The following NUAK2 variants were observed in gnomAD, a reference collection of about 807,000 sequenced individuals.
NUAK2 encodes NUAK family SNF1-like kinase 2.
Under a neutral mutation model 29.8 loss-of-function variants are expected in NUAK2, and 20 were observed. The observed-to-expected ratio is 0.67, with a 90% confidence interval of 0.47 to 0.98. The LOEUF (loss-of-function observed/expected upper bound fraction) is 0.98. NUAK2 is among the 50% of genes least tolerant of loss of function. The pLI, the probability that NUAK2 is intolerant of heterozygous loss-of-function variation, is 0.00. For missense variants in NUAK2, 719 were observed against 834.5 expected (o/e 0.86, Z 1.71); for synonymous variants, 331 against 342.6 (o/e 0.97, Z 0.37).
At chr1:205,313,476 G>A (rs1662282607) in intron 1 of NUAK2, among the ~76,000 whole-genome samples, 1 of 152,148 alleles carries the variant, frequency 6.6e-6, no homozygotes, top group African/African-American at 2.4e-5. Context: ...CCGAGGTGCA[G>A]CTAGCAAAGC....
intron 2 of NUAK2, 73 bp downstream of exon 2, chr1:205,311,632 T>C: frequency 8.3e-6 from 13 of 1,575,246 alleles, no homozygotes; most frequent in Non-Finnish European, 1.1e-5. Flanking sequence ...TTCTGACACA[T>C]GTACATACGC....
At chr1:205,314,981 C>A (rs1476798574) in intron 1 of NUAK2, among the ~76,000 whole-genome samples, 1 of 152,154 alleles carries the variant, frequency 6.6e-6, no homozygotes, top group Non-Finnish European at 1.5e-5. Flanking sequence ...CCCCAAGATC[C>A]ATCTCTTTCA....
At chr1:205,315,112 A>G (rs187957191) in intron 1 of NUAK2, among the ~76,000 whole-genome samples, 3 of 152,306 alleles carry the variant, frequency 2.0e-5, no homozygotes, top group Admixed American at 2.0e-4. Flanking sequence ...TATCCATATT[A>G]GGTCCCAGGA....
chr1:205,312,818 A>G (rs940219156), intron 1 of NUAK2, among the ~76,000 whole-genome samples: 2 of 152,204 alleles, frequency 1.3e-5, no homozygotes, highest in African/African-American at 4.8e-5. Context: ...AAATAAAGAA[A>G]AGAAATGTAG....
intron 1 of NUAK2, among the ~76,000 whole-genome samples, chr1:205,318,126 C>T (rs552892011): frequency 9.2e-5 from 14 of 152,288 alleles, no homozygotes; most frequent in Admixed American, 7.8e-4. Context: ...AATGGAGCCA[C>T]GATTTGAATG....
intron 4 of NUAK2, among the ~76,000 whole-genome samples, chr1:205,307,776 TG>T (rs1662202772): frequency 2.0e-5 from 3 of 152,226 alleles, no homozygotes. Context: ...TGTGTGTGTA[TG>T]CAAGTGTGTA....
rs187590020 is a variant in NUAK2 at position 205,321,643 on chromosome 1, G to A, written c.-15C>T. ...AGCGACTCCATGGCGAGCAGGAGGT[G>A]AGCAAGGGCGGCAGGGGAATCAGTA... On this transcript the variant is annotated 5_prime_UTR_variant, in exon 1 of 7. Transcript: ENST00000367157. 3.1e-6 allele frequency: 5 copies of A among 1,601,060 alleles called. No individual in the cohort carries two copies. The Admixed American group carries it at 5.0e-5, about 16-fold the overall frequency.
rs1028002344 is a variant in NUAK2, at chr1:205,306,240, G to A, written c.638C>T (p.Pro213Leu). The A allele has an allele frequency of 5.0e-6, 8 of 1,613,878 alleles. No homozygotes were observed. The highest frequency in any genetic ancestry group is 4.4e-5 in the South Asian group (4 of 91,074). ...GKFLQTFCGS[P>L]LYASPEIVNG... ...GACAATCTCTGGCGAGGCATAGAGG[G>A]GGCTCCCACAGAATGTCTGCAGGAA... Residue 213 changes from proline to leucine, a missense_variant, in exon 5 of 7, where the codon CCC (proline) becomes CTC (leucine). Coordinates refer to ENST00000367157, the MANE Select transcript of NUAK2 (RefSeq NM_030952.3).
At chr1:205,317,465 G>C (rs998914274) in intron 1 of NUAK2, among the ~76,000 whole-genome samples, 2 of 152,180 alleles carry the variant, frequency 1.3e-5, no homozygotes, top group African/African-American at 2.4e-5. Flanking sequence ...TGGGCAGAGT[G>C]GGGGTGGGCC....
In NUAK2 at chr1:205,306,295, C is replaced by T. The variant is rs749723966; in HGVS notation, c.583G>A (p.Gly195Ser). ...ANGNIKIADF[G>S]LSNLYHQGKF... ...CCTTGATGGTAGAGGTTGGAGAGAC[C>T]GAAGTCAGCAATCTGCAGGATTGAG... Residue 195 changes from glycine to serine, a missense_variant, in exon 5 of 7, where the codon GGT becomes AGT. Physicochemically the swap from Gly to Ser is moderately conservative, Grantham distance 56 (BLOSUM62 0). Around this residue, in one of 3 missense-constraint regions of NUAK2, gnomAD observed 283 missense variants for 345.6 expected, o/e 0.82. Transcript: ENST00000367157. 8 of 1,611,952 alleles carry T rather than the reference C, an allele frequency of 5.0e-6. No individual in the cohort carries two copies. The highest frequency in any genetic ancestry group is 4.5e-5 in the East Asian group (2 of 44,844).
chr1:205,317,344 G>C (rs1345007797), intron 1 of NUAK2, among the ~76,000 whole-genome samples: 1 of 152,224 alleles, frequency 6.6e-6, no homozygotes, highest in Non-Finnish European at 1.5e-5. Context: ...CAAGATCCTT[G>C]ATTTCTCTCT....
chr1:205,306,503 C>T (rs1662183081), intron 4 of NUAK2, among the ~76,000 whole-genome samples, 196 bp from the exon 5 acceptor site: 1 of 152,214 alleles, frequency 6.6e-6, no homozygotes, highest in Non-Finnish European at 1.5e-5. Context: ...GGAGCTGTGT[C>T]AATAAGGAGC....
chr1:205,312,054 G>A (rs1373932605), intron 1 of NUAK2, among the ~76,000 whole-genome samples: 3 of 152,164 alleles, frequency 2.0e-5, no homozygotes, highest in Non-Finnish European at 2.9e-5. Flanking sequence ...AAGGAATATC[G>A]ACAAGTCACC....
At position 205,304,060 on chromosome 1, in the gene NUAK2, G is replaced by T; in HGVS notation, c.1277C>A (p.Pro426His). ...CGCAGGGATTGGGCTGAGCTCCGGA[G>T]GGTCCTCCTGTACCCCTTCTGCAGA... ...SASAEGVQED[P>H]PELSPIPASP... Residue 426 changes from proline (P) to histidine (H), a missense_variant, in exon 7 of 7, where the codon CCT becomes CAT. Transcript: ENST00000367157. This position sits in a 1 kb window ranked among gnomAD's most constrained non-coding sequence, Gnocchi z 6.5. 1 of 1,614,138 alleles carries T rather than the reference G, an allele frequency of 6.2e-7. No individual in the cohort carries two copies. The highest frequency in any genetic ancestry group is 1.1e-5 in the South Asian group (1 of 91,084).
Position 205,304,909 on chromosome 1 carries a change from T to C in NUAK2, c.823+290A>G, listed in dbSNP as rs971526449. Among the ~76,000 whole-genome samples, 5 of 152,142 alleles carry C rather than the reference T, an allele frequency of 3.3e-5. No individual in the cohort carries two copies. The highest frequency in any genetic ancestry group is 5.9e-5 in the Non-Finnish European group (4 of 68,022). On this transcript the variant is annotated intron_variant, in intron 6 of 6. Coordinates refer to ENST00000367157, the MANE Select transcript of NUAK2 (RefSeq NM_030952.3). This position sits in a 1 kb window ranked among gnomAD's most constrained non-coding sequence, Gnocchi z 6.5. ...TGAAGGACAAAAAGATTTCTGAAGA[T>C]GAGAACAAAAGCAATAGGAAATGAG...
At chr1:205,317,221 A>T (rs1441076676) in intron 1 of NUAK2, among the ~76,000 whole-genome samples, 1 of 152,078 alleles carries the variant, frequency 6.6e-6, no homozygotes, top group Non-Finnish European at 1.5e-5. Context: ...GATTCAGGAG[A>T]GGATGGTAGA....
rs146385131 is a variant in NUAK2, at chr1:205,305,290, C to T, written c.732G>A (p.Val244=). 4.7e-5 allele frequency: 76 copies of T among 1,614,048 alleles called. No homozygotes were observed. The African/African-American group carries it at 8.7e-4, about 18-fold the overall frequency. The part of the protein sequence containing the change: ...WSLGVLLYIL[V]HGTMPFDGHD... Reference sequence around the variant, plus strand: ...GCCCATCAAAGGGCATGGTGCCATGCACCAGGATGTAGAGGAGAACACCCA... The same window carrying T: ...GCCCATCAAAGGGCATGGTGCCATGTACCAGGATGTAGAGGAGAACACCCA... Residue 244 remains valine, a synonymous_variant, in exon 6 of 7, where the codon GTG becomes GTA. Coordinates refer to ENST00000367157, the MANE Select transcript of NUAK2 (RefSeq NM_030952.3).
chr1:205,315,058 A>T (rs529956464), intron 1 of NUAK2, among the ~76,000 whole-genome samples: 3 of 152,296 alleles, frequency 2.0e-5, no homozygotes, highest in African/African-American at 7.2e-5. Context: ...GCCTCCTGCA[A>T]GTTTGTGCTC....
rs779323918 is a variant in NUAK2 at position 205,303,504 on chromosome 1, C to T, written c.1833G>A (p.Gln611=). Residue 611 remains glutamine (Q), a synonymous_variant, in exon 7 of 7, where the codon CAG becomes CAA. Coordinates refer to ENST00000367157, the MANE Select transcript of NUAK2 (RefSeq NM_030952.3). ...CCTGTCGGTAGGTCGCTGTCACCTC[C>T]TGGCAGTCTGTCAGGGAAAAGCAGC... The part of the protein sequence containing the change: ...GDSCFSLTDC[Q]EVTATYRQAL... 1 of 1,611,874 alleles carries T rather than the reference C, an allele frequency of 6.2e-7. No individual in the cohort carries two copies. Among genetic ancestry groups the T allele is most frequent in the East Asian group, 2.2e-5 (1 of 44,846 alleles).
Sources: gnomAD v4.1 joint callset for allele counts (sites outside exome capture counted in the v4.1 genomes callset) on GRCh38, gnomAD v4.1.1 for gene constraint, gnomAD v4.1.1 regional missense constraint, Gnocchi (gnomAD v3.1) non-coding constraint, MANE v1.5 for transcripts, NCBI Gene and HGNC (gene_info 2026-07-23, HGNC 2026-07-21) for gene names.